ASTN1: variants seen among roughly 807,000 people sequenced by gnomAD.
ASTN1 encodes astrotactin 1.
A neutral mutation model predicts 140.7 loss-of-function variants in ASTN1; 41 were observed. The observed-to-expected ratio is 0.29, with a 90% CI of 0.23 to 0.38. The LOEUF is 0.38. Among genes scored for constraint, ASTN1 ranks in the 10% least tolerant of loss-of-function variants. The pLI is 1.00. For missense variants in ASTN1, 1,479 were observed against 1,678.8 expected (o/e 0.88, Z 2.08); for synonymous variants, 640 against 652.2 (o/e 0.98, Z 0.29).
chr1:177,133,957 C>A (rs1682055454), intron 1 of ASTN1, among the ~76,000 whole-genome samples: 1 of 152,108 alleles, frequency 6.6e-6, no homozygotes. Flanking sequence ...GCTAAGGAAA[C>A]AAAATTATCT....
chr1:176,971,169 C>G (rs1360298913), intron 8 of ASTN1, among the ~76,000 whole-genome samples: 2 of 152,152 alleles, frequency 1.3e-5, no homozygotes, highest in Non-Finnish European at 2.9e-5. Flanking sequence ...TTTAAAAGTG[C>G]TTCTGGAGAA....
chr1:176,974,675 G>A (rs186369477), intron 8 of ASTN1, among the ~76,000 whole-genome samples: 15 of 152,092 alleles, frequency 9.9e-5, no homozygotes, highest in African/African-American at 1.7e-4. Flanking sequence ...GTGAGCCACC[G>A]CACCCAGCCT....
chr1:177,012,945 C>A (rs967844535), intron 8 of ASTN1, among the ~76,000 whole-genome samples: 2 of 152,208 alleles, frequency 1.3e-5, no homozygotes, highest in Non-Finnish European at 2.9e-5. Flanking sequence ...AACCACAGTC[C>A]ACCGCAATTC....
chr1:177,018,578 G>T (rs764417687), intron 7 of ASTN1, among the ~76,000 whole-genome samples: 1 of 152,162 alleles, frequency 6.6e-6, no homozygotes, highest in Non-Finnish European at 1.5e-5. Flanking sequence ...AATTTAGCTG[G>T]GAAGCCTATG....
At chr1:176,917,161 C>A (rs536214837) in intron 16 of ASTN1, among the ~76,000 whole-genome samples, 27 of 152,186 alleles carry the variant, frequency 1.8e-4, no homozygotes, top group East Asian at 9.7e-4. Context: ...CTCTGGTAGC[C>A]CCTGTCATAC....
intron 8 of ASTN1, among the ~76,000 whole-genome samples, chr1:176,998,673 A>C (rs569269525): frequency 1.3e-5 from 2 of 152,356 alleles, no homozygotes; most frequent in South Asian, 4.1e-4. Context: ...ACCGCTGTGC[A>C]CACAGTGAGC....
intron 1 of ASTN1, among the ~76,000 whole-genome samples, chr1:177,071,411 A>G (rs980616730): frequency 3.3e-5 from 5 of 152,204 alleles, no homozygotes; most frequent in African/African-American, 1.2e-4. Flanking sequence ...TTAAAATAAC[A>G]GTTATGCTTT....
intron 1 of ASTN1, among the ~76,000 whole-genome samples, chr1:177,088,496 G>A (rs1679583609): frequency 6.6e-6 from 1 of 152,148 alleles, no homozygotes; most frequent in South Asian, 2.1e-4. Context: ...TGTGGCTAGC[G>A]TCATCCTCAG....
intron 1 of ASTN1, among the ~76,000 whole-genome samples, chr1:177,138,733 C>A (rs1050534326): frequency 2.6e-5 from 4 of 152,172 alleles, no homozygotes; most frequent in African/African-American, 7.2e-5. Flanking sequence ...TATCACTGAA[C>A]AGAAAAGGAA....
chr1:177,114,195 AT>A (rs980606446), intron 1 of ASTN1, among the ~76,000 whole-genome samples: 5 of 152,222 alleles, frequency 3.3e-5, no homozygotes, highest in Non-Finnish European at 7.3e-5. Context: ...ACTTAAGTTT[AT>A]TAAACCTCCA....
chr1:176,958,726 A>T (rs1179985340), intron 9 of ASTN1, among the ~76,000 whole-genome samples: 1 of 152,210 alleles, frequency 6.6e-6, no homozygotes, highest in Non-Finnish European at 1.5e-5. Context: ...AGTAGTTTTT[A>T]TCAAGTCATA....
intron 1 of ASTN1, among the ~76,000 whole-genome samples, chr1:177,154,088 C>T (rs1683147395): frequency 6.6e-6 from 1 of 151,904 alleles, no homozygotes; most frequent in South Asian, 2.1e-4. Context: ...GCTATGTATC[C>T]CAGAGAAATT....
rs375497555 is a variant in ASTN1, at chr1:176,957,719, G to A, written c.1846C>T (p.Arg616Cys). 3.9e-5 allele frequency: 63 copies of A among 1,613,966 alleles called. No individual in the cohort carries two copies. Among genetic ancestry groups the A allele is most frequent in the African/African-American group, 6.7e-5 (5 of 74,902 alleles). ...TCCAGCTTGCGATCTGAAATACAGC[G>A]GAAATTCTTACTGCAGCCCCCGTTA... ...KDNGGCSKNF[R>C]CISDRKLDST... Residue 616 changes from arginine to cysteine, a missense_variant, in exon 11 of 23, where the codon CGC becomes TGC. Physicochemically the swap from Arg to Cys is radical, Grantham distance 180. Coordinates refer to ENST00000361833, the MANE Select transcript of ASTN1 (RefSeq NM_004319.3).
chr1:177,000,117 T>C (rs191529429), intron 8 of ASTN1, among the ~76,000 whole-genome samples: 227 of 152,316 alleles, frequency 1.5e-3, no homozygotes, highest in African/African-American at 5.4e-3. Flanking sequence ...TATGATTTTA[T>C]ATAAGACCTA....
intron 11 of ASTN1, 123 bp downstream of exon 11, chr1:176,957,555 C>T: frequency 7.9e-7 from 1 of 1,265,016 alleles, no homozygotes; most frequent in Non-Finnish European, 1.1e-6. Context: ...CTAATTTACA[C>T]TAAATGGTGT....
chr1:176,866,649 C>T (rs1249635591), intron 22 of ASTN1, among the ~76,000 whole-genome samples: 1 of 146,152 alleles, frequency 6.8e-6, no homozygotes, highest in African/African-American at 2.6e-5. Flanking sequence ...TCAGTGCTCA[C>T]TTTAAATAAT....
Position 176,868,999 on chromosome 1 carries a change from G to A in ASTN1, c.3492C>T (p.Phe1164=). The change falls in exon 22 of 23, where the codon TTC becomes TTT. Residue 1164 remains phenylalanine, a synonymous_variant. Coordinates refer to ENST00000361833, the MANE Select transcript of ASTN1 (RefSeq NM_004319.3). ...QEIADKIYNL[F]NGYTSGKEQQ... is the part of the protein sequence containing the mutation. ...GCTCCTTCCCACTAGTGTAGCCATT[G>A]AAGAGATTGTAGATCTTGTCTGCTA... 2 of 1,601,932 alleles carry A rather than the reference G, an allele frequency of 1.2e-6. No homozygotes were observed. The highest frequency in any genetic ancestry group is 1.7e-6 in the Non-Finnish European group (2 of 1,173,378).
chr1:177,136,000 C>A (rs573671986), intron 1 of ASTN1, among the ~76,000 whole-genome samples: 1 of 152,292 alleles, frequency 6.6e-6, no homozygotes, highest in East Asian at 1.9e-4. Context: ...TAAAATGAAG[C>A]AAAACAAATG....
chr1:177,019,502 G>T (rs1675713030), intron 7 of ASTN1, among the ~76,000 whole-genome samples: 1 of 152,218 alleles, frequency 6.6e-6, no homozygotes, highest in African/African-American at 2.4e-5. Flanking sequence ...AGAACTGTTA[G>T]AAGAGGTCAC....
Sources: allele counts gnomAD v4.1 joint callset (sites outside exome capture counted in the v4.1 genomes callset), GRCh38; gene constraint gnomAD v4.1.1; transcripts MANE v1.5; gene names NCBI Gene and HGNC (gene_info 2026-07-23, HGNC 2026-07-21).